Variants in TCF25 observed in about 807,000 individuals in gnomAD.
TCF25 encodes the protein ribosome quality control complex subunit TCF25.
TCF25 carries 41 observed loss-of-function variants against 83.1 expected under a neutral mutation model. The observed-to-expected ratio is 0.49, with a 90% CI of 0.38 to 0.64. TCF25 has a LOEUF of 0.64. Among genes scored for constraint, TCF25 ranks in the 30% least tolerant of loss-of-function variants. The pLI, the probability that TCF25 is intolerant of heterozygous loss-of-function variation, is 0.00. For missense variants in TCF25, 979 were observed against 914.5 expected (o/e 1.07, Z -0.91); for synonymous variants, 458 against 365.0 (o/e 1.25, Z -2.90).
intron 12 of TCF25, among the ~76,000 whole-genome samples, chr16:89,903,404 C>T (rs1334648259): frequency 2.6e-5 from 4 of 152,262 alleles, no homozygotes; most frequent in Non-Finnish European, 5.9e-5. Context: ...GGCACGGTGG[C>T]TCACGCCTGT....
chr16:89,904,982 G>A lies in TCF25; in HGVS notation c.1514G>A (p.Arg505Lys). ...LSQLVNLYLGRSHFLWKEPAT... is the reference protein window; with the variant it reads ...LSQLVNLYLGKSHFLWKEPAT... The stretch of plus-strand genomic sequence containing the variant: ...CAGCTGGTGAACCTGTACCTTGGGA[G>A]GTCACACTTTCTCTGGAAAGAGCCC... The change falls in exon 14 of 18, where the codon AGG (arginine) becomes AAG (lysine). Residue 505 changes from arginine to lysine, a missense_variant. Transcript: ENST00000263346. 6.2e-7 allele frequency: 1 copy of A among 1,608,288 alleles called. No individual in the cohort carries two copies. Among genetic ancestry groups the A allele is most frequent in the East Asian group, 2.2e-5 (1 of 44,578 alleles).
chr16:89,900,561 CAG>C (rs2044238936), intron 11 of TCF25, 72 bp from the exon 12 acceptor site: 6 of 1,487,720 alleles, frequency 4.0e-6, no homozygotes, highest in Middle Eastern at 3.7e-4. Flanking sequence ...CTGGTGATGT[CAG>C]AGCGTCTGCA....
At chr16:89,887,413 T>G (rs1450786139) in intron 4 of TCF25, among the ~76,000 whole-genome samples, 3 of 152,002 alleles carry the variant, frequency 2.0e-5, no homozygotes, top group Non-Finnish European at 4.4e-5. Context: ...ACACAGTGCC[T>G]CTTGACACAG....
chr16:89,908,668 C>G (rs1394302965), intron 16 of TCF25, among the ~76,000 whole-genome samples: 4 of 56,442 alleles, frequency 7.1e-5, no homozygotes, highest in African/African-American at 9.1e-5. Flanking sequence ...CCAGCTCCCA[C>G]CTCCCTCCTC....
intron 13 of TCF25, chr16:89,904,538 C>T: frequency 6.1e-6 from 3 of 491,720 alleles, no homozygotes; most frequent in Non-Finnish European, 1.1e-5. Flanking sequence ...TGTGTTTGTG[C>T]TGCTGCACTC....
chr16:89,893,524 G>A (rs1030722580), intron 6 of TCF25, among the ~76,000 whole-genome samples: 4 of 152,202 alleles, frequency 2.6e-5, no homozygotes, highest in African/African-American at 7.2e-5. Flanking sequence ...TAAAGCAGAC[G>A]GGATGCCGTC....
At chr16:89,888,840 ATTTTTTTTTTTT>A (rs34444102) in intron 5 of TCF25, among the ~76,000 whole-genome samples, 1 of 109,918 alleles carries the variant, frequency 9.1e-6, no homozygotes, top group African/African-American at 3.9e-5. Flanking sequence ...CGCCCAGCTA[ATTTTTTTTTTTT>A]TTTTTTTTTT....
At chr16:89,909,105 C>T in intron 16 of TCF25, 1 of 1,289,370 alleles carries the variant, frequency 7.8e-7, no homozygotes, top group Non-Finnish European at 1.0e-6. Flanking sequence ...ACAGTGGAAG[C>T]AGGTGTGCAG....
chr16:89,908,842 A>C, intron 16 of TCF25: 1 of 1,060,354 alleles, frequency 9.4e-7, no homozygotes, highest in Non-Finnish European at 1.2e-6. Flanking sequence ...CCCACCTCGC[A>C]GCTCCCAGCT....
chr16:89,893,302 T>C (rs2043572124), intron 6 of TCF25, among the ~76,000 whole-genome samples: 1 of 152,236 alleles, frequency 6.6e-6, no homozygotes, highest in East Asian at 1.9e-4. Context: ...GGCCTGGCGC[T>C]GTGGCCACCT....
Position 89,895,043 on chromosome 16 carries a change from G to T in TCF25, c.834G>T (p.Leu278=). The T allele has an allele frequency of 6.2e-7, 1 of 1,612,944 alleles. No individual in the cohort carries two copies. The stretch of plus-strand genomic sequence containing the variant: ...GCTGTCCTCCCTTCTGGTAGGTTCT[G>T]CTCCAGACGAGCCCTTACCACGTTG... ...ESMEPNNIVV[L]LQTSPYHVDS... is the part of the protein sequence containing the mutation. The change falls in exon 8 of 18, where the codon CTG becomes CTT. Residue 278 remains leucine (L), a synonymous_variant. Transcript: ENST00000263346.
intron 4 of TCF25, among the ~76,000 whole-genome samples, chr16:89,887,027 A>G (rs2043068575): frequency 6.6e-6 from 1 of 152,144 alleles, no homozygotes; most frequent in Non-Finnish European, 1.5e-5. Flanking sequence ...TGTATATTAG[A>G]GAGTTCCTTC....
Position 89,902,597 on chromosome 16 carries a change from G to A in TCF25, c.1382-1521G>A, listed in dbSNP as rs571950230. On this transcript the variant is annotated intron_variant, in intron 12 of 17. Transcript: ENST00000263346. ...CCAGCTACTTGGGAGGCTGAGGCAGGAGAATGGCATGAACCCAGGAGGCAG... is the reference window on the plus strand; with the variant it reads ...CCAGCTACTTGGGAGGCTGAGGCAGAAGAATGGCATGAACCCAGGAGGCAG... 7.6e-4 allele frequency among the ~76,000 whole-genome samples: 113 copies of A among 147,786 alleles called. 3 individuals carry two copies. The highest frequency in any genetic ancestry group is 2.6e-3 in the African/African-American group (108 of 40,972).
At position 89,906,154 on chromosome 16, in the gene TCF25, T is replaced by C. The variant is rs199581767; in HGVS notation, c.1629-40T>C. 2.0e-4 allele frequency: 316 copies of C among 1,577,464 alleles called. 1 individual carries two copies. The highest frequency in any genetic ancestry group is 2.2e-4 in the Non-Finnish European group (256 of 1,152,736). On this transcript the variant is annotated intron_variant, in intron 14 of 17. Transcript: ENST00000263346. ...CCATGGCGGTTACCATTTCATTTGC[T>C]GTGCTTTATCTGCTGTGCCTTGTTT... is the stretch of plus-strand genomic sequence containing the variant.
At chr16:89,900,486 T>G in intron 11 of TCF25, 149 bp from the exon 12 acceptor site, 1 of 842,518 alleles carries the variant, frequency 1.2e-6, no homozygotes, top group Non-Finnish European at 1.7e-6. Context: ...TAAGTTATCT[T>G]TATGCTGAGT....
Position 89,895,088 on chromosome 16 carries a change from C to T in TCF25, c.879C>T (p.Ser293=), listed in dbSNP as rs202076211. The change falls in exon 8 of 18, where the codon AGC becomes AGT. Residue 293 remains serine (S), a synonymous_variant. Transcript: ENST00000263346. ...ACGTTGACTCACTCCTGCAGCTCAG[C>T]GATGCCTGCCGCTTTCAAGAGGATC... The part of the protein sequence containing the change: ...PYHVDSLLQL[S]DACRFQEDQE... 70 of 1,613,058 alleles carry T rather than the reference C, an allele frequency of 4.3e-5. No homozygotes were observed. The highest frequency in any genetic ancestry group is 1.6e-4 in the Middle Eastern group (1 of 6,080).
At chr16:89,898,903 G>T (rs746912800) in intron 11 of TCF25, 31 bp downstream of exon 11, 68 of 1,596,790 alleles carry the variant, frequency 4.3e-5, no homozygotes, top group Non-Finnish European at 5.7e-5. Context: ...GCCCCGTGGA[G>T]GGACGGACAC....
At chr16:89,883,569 G>A in intron 2 of TCF25, 57 bp downstream of exon 2, 2 of 1,530,194 alleles carry the variant, frequency 1.3e-6, no homozygotes, top group Non-Finnish European at 1.8e-6. Flanking sequence ...AAGGCACCCA[G>A]CCACGTGTAT....
chr16:89,875,820 CTTTTTTTTTT>C lies in TCF25; in HGVS notation c.192+1980_192+1989del, dbSNP rs1164528945. Among the ~76,000 whole-genome samples, 197 of 64,862 alleles carry C rather than the reference CTTTTTTTTTT, an allele frequency of 3.0e-3. 3 individuals carry two copies. Among genetic ancestry groups the C allele is most frequent in the Middle Eastern group, 0.019 (1 of 54 alleles). 42.6% of individuals were successfully genotyped at this position (64,862 alleles called of 152,430 possible). ...TACAGGCGTGAGCCACTGCGCCTGG[CTTTTTTTTTT>C]TTTTTTTTTTTTTTTTTTGGTTACA... On this transcript the variant is annotated intron_variant, in intron 1 of 17. Transcript: ENST00000263346.
Sources: allele counts gnomAD v4.1 joint callset (sites outside exome capture counted in the v4.1 genomes callset), GRCh38; gene constraint gnomAD v4.1.1; transcripts MANE v1.5; gene names NCBI Gene and HGNC (gene_info 2026-07-23, HGNC 2026-07-21).